Variants in UHRF2 observed in about 807,000 individuals in gnomAD.
UHRF2 encodes the protein ubiquitin like with PHD and ring finger domains 2.
In UHRF2, 23 loss-of-function variants were observed where a neutral mutation model predicts 96.8. That is an observed-to-expected ratio of 0.24 (90% CI 0.17 to 0.34). The LOEUF (loss-of-function observed/expected upper bound fraction) is 0.34. Ranked by LOEUF, UHRF2 falls within the 10% of genes least tolerant of loss-of-function variation. UHRF2 has a pLI of 1.00. For missense variants in UHRF2, 685 were observed against 981.5 expected (o/e 0.70, Z 4.04); for synonymous variants, 385 against 332.6 (o/e 1.16, Z -1.72).
chr9:6,487,175 T>TTTATTTTTTATTTTTTATTTTTTA (rs1219013703), intron 9 of UHRF2, among the ~76,000 whole-genome samples: 8 of 142,674 alleles, frequency 5.6e-5, no homozygotes, highest in African/African-American at 1.9e-4. Flanking sequence ...GCTTTTATTT[T>TTTATTTTTTATTTTTTATTTTTTA]TTTTTCCTTT....
intron 3 of UHRF2, among the ~76,000 whole-genome samples, chr9:6,452,227 C>T (rs145571998): frequency 1.3e-5 from 2 of 152,086 alleles, no homozygotes; most frequent in African/African-American, 4.8e-5. Flanking sequence ...GTTTTTAGAC[C>T]TGTTACAAAT....
intron 2 of UHRF2, among the ~76,000 whole-genome samples, chr9:6,421,767 CTG>C (rs1563741318): frequency 6.6e-6 from 1 of 152,184 alleles, no homozygotes; most frequent in African/African-American, 2.4e-5. Context: ...ACACTTCTCT[CTG>C]TGTCTCCCTA....
At chr9:6,450,537 A>G (rs1821796368) in intron 3 of UHRF2, among the ~76,000 whole-genome samples, 1 of 152,210 alleles carries the variant, frequency 6.6e-6, no homozygotes, top group South Asian at 2.1e-4. Flanking sequence ...GGAGACACAT[A>G]ATACTTTTCT....
rs566176526 is a variant in UHRF2 at position 6,451,414 on chromosome 9, T to G, written c.645-9159T>G. ...CCAAAACAAAATATACTAAGAGAAA[T>G]TGAGCTTCCATCCTGATTCCTTCTA... is the stretch of plus-strand genomic sequence containing the variant. On this transcript the variant is annotated intron_variant, in intron 3 of 15. Transcript: ENST00000276893. Among the ~76,000 whole-genome samples the G allele has an allele frequency of 2.3e-4, 35 of 152,270 alleles. No individual in the cohort carries two copies. In the East Asian group the frequency reaches 6.2e-3, roughly 27 times the overall value.
chr9:6,489,078 G>A (rs1238539759), intron 9 of UHRF2, among the ~76,000 whole-genome samples: 1 of 152,180 alleles, frequency 6.6e-6, no homozygotes, highest in African/African-American at 2.4e-5. Context: ...CCAAAGTGCT[G>A]GGATTACAGG....
At chr9:6,430,944 C>A (rs1587778831) in intron 2 of UHRF2, among the ~76,000 whole-genome samples, 1 of 152,200 alleles carries the variant, frequency 6.6e-6, no homozygotes, top group Non-Finnish European at 1.5e-5. Flanking sequence ...AATTCAGATG[C>A]TCCCACATAG....
chr9:6,475,602 G>C (rs1823519315), intron 5 of UHRF2, 102 bp downstream of exon 5: 1 of 507,672 alleles, frequency 2.0e-6, no homozygotes, highest in South Asian at 6.7e-5. Context: ...TAAAACTGTA[G>C]ACCATACAAA....
At chr9:6,493,750 T>G in intron 9 of UHRF2, 76 bp from the exon 10 acceptor site, 2 of 1,297,286 alleles carry the variant, frequency 1.5e-6, no homozygotes, top group Non-Finnish European at 2.1e-6. Flanking sequence ...TAATGAAATG[T>G]TTTGACTCTG....
At chr9:6,466,656 A>C (rs1263662863) in intron 4 of UHRF2, among the ~76,000 whole-genome samples, 1 of 151,750 alleles carries the variant, frequency 6.6e-6, no homozygotes, top group African/African-American at 2.4e-5. Context: ...AGAAATTTCT[A>C]TAGTGATATA....
intron 9 of UHRF2, among the ~76,000 whole-genome samples, chr9:6,491,503 C>G (rs913423772): frequency 6.6e-6 from 1 of 152,182 alleles, no homozygotes. Flanking sequence ...ATGGTCTAGA[C>G]AACCTTGAAT....
At chr9:6,485,953 C>T (rs1445407538) in intron 8 of UHRF2, among the ~76,000 whole-genome samples, 3 of 151,896 alleles carry the variant, frequency 2.0e-5, no homozygotes, top group Non-Finnish European at 4.4e-5. Flanking sequence ...GGGGAAAAGC[C>T]GTCATCCATT....
chr9:6,445,432 TG>T (rs897123545), intron 3 of UHRF2, among the ~76,000 whole-genome samples: 4 of 152,178 alleles, frequency 2.6e-5, no homozygotes, highest in Admixed American at 6.5e-5. Context: ...CGGCTAATTT[TG>T]TACTTTTAGT....
At chr9:6,423,368 C>T (rs1368239153) in intron 2 of UHRF2, among the ~76,000 whole-genome samples, 1 of 152,236 alleles carries the variant, frequency 6.6e-6, no homozygotes, top group Non-Finnish European at 1.5e-5. Context: ...TGACAAAAAG[C>T]ACATCAGCTT....
At chr9:6,485,824 A>AAAAAC (rs1234818265) in intron 8 of UHRF2, among the ~76,000 whole-genome samples, 2 of 145,922 alleles carry the variant, frequency 1.4e-5, no homozygotes, top group African/African-American at 5.3e-5. Context: ...AAAAAAAAAA[A>AAAAAC]AAAACAAAAC....
At chr9:6,429,560 A>T (rs1820454218) in intron 2 of UHRF2, among the ~76,000 whole-genome samples, 1 of 152,054 alleles carries the variant, frequency 6.6e-6, no homozygotes, top group East Asian at 1.9e-4. Context: ...CGAACTCCTG[A>T]CCTCAGGTGC....
intron 3 of UHRF2, among the ~76,000 whole-genome samples, chr9:6,437,333 A>G (rs1331632543): frequency 2.0e-5 from 3 of 152,076 alleles, no homozygotes; most frequent in African/African-American, 4.8e-5. Context: ...TGCAGGTTCA[A>G]GCGATTCTCC....
At chr9:6,451,456 G>GT (rs1168530481) in intron 3 of UHRF2, among the ~76,000 whole-genome samples, 40 of 18,728 alleles carry the variant, frequency 2.1e-3, no homozygotes, top group Non-Finnish European at 0.013. Flanking sequence ...TTCTTACCTA[G>GT]TTTTTTTTTG....
intron 2 of UHRF2, among the ~76,000 whole-genome samples, chr9:6,428,523 A>G (rs1159386288): frequency 1.0e-5 from 1 of 96,494 alleles, no homozygotes; most frequent in African/African-American, 4.0e-5. Flanking sequence ...ATGGAACCAT[A>G]TTGCTTTTGC....
chr9:6,471,944 C>T (rs981269155), intron 4 of UHRF2, among the ~76,000 whole-genome samples: 1 of 152,196 alleles, frequency 6.6e-6, no homozygotes, highest in Non-Finnish European at 1.5e-5. Context: ...CAAAAGATTT[C>T]AGTAAGTAAG....
Sources: gnomAD v4.1 joint callset for allele counts (sites outside exome capture counted in the v4.1 genomes callset) on GRCh38, gnomAD v4.1.1 for gene constraint, MANE v1.5 for transcripts, NCBI Gene and HGNC (gene_info 2026-07-23, HGNC 2026-07-21) for gene names.